The following SLC44A5 variants were observed in gnomAD, a reference collection of about 807,000 sequenced individuals.
The protein encoded by SLC44A5 is solute carrier family 44 member 5.
In SLC44A5, 57 loss-of-function variants were observed where a neutral mutation model predicts 101.8. That is an observed-to-expected ratio of 0.56 (90% CI 0.45 to 0.70). The LOEUF (loss-of-function observed/expected upper bound fraction) is 0.70, where lower values mean the gene tolerates loss of function less well. Among genes scored for constraint, SLC44A5 ranks in the 30% least tolerant of loss-of-function variants. The pLI is 0.00. For synonymous variants in SLC44A5, 281 were observed against 290.9 expected (o/e 0.97, Z 0.35); for missense variants, 737 against 853.1 (o/e 0.86, Z 1.70).
chr1:75,254,725 C>T (rs1649869752), intron 6 of SLC44A5, among the ~76,000 whole-genome samples: 1 of 151,996 alleles, frequency 6.6e-6, no homozygotes. Context: ...ACAGAATTTG[C>T]CTGTTAGAAA....
intron 23 of SLC44A5, chr1:75,206,765 C>T (rs1646756748): frequency 9.6e-7 from 1 of 1,041,180 alleles, no homozygotes; most frequent in Non-Finnish European, 1.5e-6. Flanking sequence ...AGCAGCAGAA[C>T]AATTATACAC....
chr1:75,574,355 A>C (rs189066710), intron 1 of SLC44A5, among the ~76,000 whole-genome samples: 3 of 152,348 alleles, frequency 2.0e-5, no homozygotes, highest in African/African-American at 7.2e-5. Context: ...ACCTGACTTA[A>C]GCAAGAATGA....
chr1:75,629,004 T>C, the SLC44A5 span, among the ~76,000 whole-genome samples: 1 of 152,126 alleles, frequency 6.6e-6, no homozygotes, highest in Non-Finnish European at 1.5e-5. Context: ...ATCTTCCAGC[T>C]GGGTGAAAAA....
chr1:75,707,598 T>A, the SLC44A5 span, among the ~76,000 whole-genome samples: 2 of 152,150 alleles, frequency 1.3e-5, no homozygotes. Context: ...TTCCCTATAG[T>A]TTTTCCCACT....
At chr1:75,706,029 T>C in the SLC44A5 span, among the ~76,000 whole-genome samples, 1 of 152,198 alleles carries the variant, frequency 6.6e-6, no homozygotes, top group Non-Finnish European at 1.5e-5. Flanking sequence ...GCTACATTAA[T>C]AGCGGGATCT....
intron 5 of SLC44A5, 151 bp from the exon 6 acceptor site, chr1:75,275,193 T>G: frequency 1.7e-6 from 1 of 596,108 alleles, no homozygotes; most frequent in East Asian, 2.8e-5. Context: ...AATTTCTTAA[T>G]GAAAAGTAAA....
At chr1:75,352,264 A>G (rs1658736586) in intron 3 of SLC44A5, among the ~76,000 whole-genome samples, 3 of 151,966 alleles carry the variant, frequency 2.0e-5, no homozygotes, top group Admixed American at 2.0e-4. Context: ...CATAGGTCAA[A>G]GTGTGCCGTG....
intron 3 of SLC44A5, among the ~76,000 whole-genome samples, chr1:75,360,223 C>A (rs201839282): frequency 2.7e-4 from 41 of 151,768 alleles, no homozygotes; most frequent in Admixed American, 2.7e-3. Flanking sequence ...TTTTTGGGTT[C>A]ATATCAAAAA....
intron 2 of SLC44A5, among the ~76,000 whole-genome samples, chr1:75,493,955 A>C (rs566130314): frequency 2.0e-5 from 3 of 152,200 alleles, no homozygotes; most frequent in Non-Finnish European, 2.9e-5. Flanking sequence ...TGAGGTAAGC[A>C]ATCTCTAGTC....
chr1:75,673,056 G>A, the SLC44A5 span, among the ~76,000 whole-genome samples: 9 of 152,130 alleles, frequency 5.9e-5, no homozygotes, highest in African/African-American at 2.2e-4. Context: ...AAAGACTCCT[G>A]CTTGAGGAAA....
At chr1:75,473,837 A>T (rs1461506271) in intron 2 of SLC44A5, among the ~76,000 whole-genome samples, 1 of 152,160 alleles carries the variant, frequency 6.6e-6, no homozygotes, top group Non-Finnish European at 1.5e-5. Flanking sequence ...GTCCAATAGC[A>T]AATTTGTCCA....
At chr1:75,609,565 G>C (rs1675531147) in intron 1 of SLC44A5, among the ~76,000 whole-genome samples, 1 of 151,874 alleles carries the variant, frequency 6.6e-6, no homozygotes, top group African/African-American at 2.4e-5. Flanking sequence ...TCTGATTTTT[G>C]GTTCGGTAGT....
intron 3 of SLC44A5, among the ~76,000 whole-genome samples, chr1:75,346,443 A>G (rs1347969428): frequency 6.6e-6 from 1 of 152,136 alleles, no homozygotes; most frequent in Admixed American, 6.6e-5. Flanking sequence ...GAAAAAATAT[A>G]TAAAGCACTC....
intron 2 of SLC44A5, among the ~76,000 whole-genome samples, chr1:75,495,237 T>C (rs906482552): frequency 1.3e-5 from 2 of 152,038 alleles, no homozygotes; most frequent in Admixed American, 1.3e-4. Flanking sequence ...GGGTGGATCA[T>C]GAGGTCAGGA....
rs186375781 is a variant in SLC44A5 at position 75,235,118 on chromosome 1, G to A, written c.741-1020C>T. 5.8e-4 allele frequency among the ~76,000 whole-genome samples: 88 copies of A among 152,072 alleles called. 1 individual carries two copies. The highest frequency in any genetic ancestry group is 4.7e-3 in the Admixed American group (71 of 15,226). ...AGTATCATGGTCTTGCAAAGCCTGC[G>A]CTTTTAACTTGAGAAGTCATTCCCT... On this transcript the variant is annotated intron_variant, in intron 11 of 23. Coordinates refer to ENST00000370859, the MANE Select transcript of SLC44A5 (RefSeq NM_001130058.2).
chr1:75,421,758 G>A (rs1488487924), intron 2 of SLC44A5, among the ~76,000 whole-genome samples: 1 of 151,914 alleles, frequency 6.6e-6, no homozygotes, highest in Non-Finnish European at 1.5e-5. Context: ...GGAGAAACAT[G>A]TAGGTGGAAA....
At position 75,339,712 on chromosome 1, in the gene SLC44A5, A is replaced by G. The variant is rs1254123679; in HGVS notation, c.53-82T>C. On this transcript the variant is annotated intron_variant, in intron 3 of 23. Coordinates refer to ENST00000370859, the MANE Select transcript of SLC44A5 (RefSeq NM_001130058.2). Reference sequence around the variant, plus strand: ...AATATTAATGAAGAAATATCTACATATTGGTTAGTCCACTGCTCAGTGCAG... The same window carrying G: ...AATATTAATGAAGAAATATCTACATGTTGGTTAGTCCACTGCTCAGTGCAG... The G allele has an allele frequency of 1.1e-5, 14 of 1,270,724 alleles. No homozygotes were observed. In the East Asian group the frequency reaches 3.4e-4, roughly 31 times the overall value. 78.7% of individuals were successfully genotyped at this position (1,270,724 alleles called of 1,614,324 possible).
At chr1:75,366,966 C>T (rs1659903907) in intron 3 of SLC44A5, among the ~76,000 whole-genome samples, 2 of 152,174 alleles carry the variant, frequency 1.3e-5, no homozygotes, top group Admixed American at 6.5e-5. Flanking sequence ...TGTTATCTTA[C>T]ATCCCATTGA....
chr1:75,686,302 T>G, the SLC44A5 span, among the ~76,000 whole-genome samples: 3 of 152,222 alleles, frequency 2.0e-5, no homozygotes, highest in African/African-American at 4.8e-5. Context: ...TAAAACAAGC[T>G]GTGAAGATGG....
Sources: allele counts gnomAD v4.1 joint callset (sites outside exome capture counted in the v4.1 genomes callset), GRCh38; gene constraint gnomAD v4.1.1; transcripts MANE v1.5; gene names NCBI Gene and HGNC (gene_info 2026-07-23, HGNC 2026-07-21).